The following MTUS2 variants were observed in gnomAD, a reference collection of about 807,000 sequenced individuals.
MTUS2 encodes the protein microtubule associated scaffold protein 2, also known as microtubule-associated tumor suppressor candidate 2.
In MTUS2, 40 loss-of-function variants were observed where a neutral mutation model predicts 114.1. The ratio of observed to expected loss-of-function variants is 0.35; its 90% CI spans 0.27 to 0.46. The LOEUF is 0.46. Among genes scored for constraint, MTUS2 ranks in the 20% least tolerant of loss-of-function variants. The pLI is 1.00. For synonymous variants in MTUS2, 688 were observed against 672.0 expected (o/e 1.02, Z -0.37); for missense variants, 1,679 against 1,705.4 (o/e 0.98, Z 0.27).
At position 29,477,144 on chromosome 13, in the gene MTUS2, T is replaced by C. The variant is rs569105851; in HGVS notation, c.3185-3006T>C. On this transcript the variant is annotated intron_variant, in intron 9 of 15. Coordinates refer to ENST00000612955, the MANE Select transcript of MTUS2 (RefSeq NM_001033602.4). Reference sequence around the variant, plus strand: ...AGTGAGCAGCAGGAGCCTGTGTTTTTGTCTGTAGGGTGACTTTGTGCTTTC... The same window carrying C: ...AGTGAGCAGCAGGAGCCTGTGTTTTCGTCTGTAGGGTGACTTTGTGCTTTC... Among the ~76,000 whole-genome samples the C allele has an allele frequency of 2.0e-5, 3 of 152,336 alleles. No individual in the cohort carries two copies. The East Asian group carries it at 5.8e-4, about 29-fold the overall frequency.
At chr13:29,484,484 C>T (rs1881445856) in intron 10 of MTUS2, among the ~76,000 whole-genome samples, 1 of 152,236 alleles carries the variant, frequency 6.6e-6, no homozygotes, top group South Asian at 2.1e-4. Flanking sequence ...TCAACACCTG[C>T]CTGTGTGGAG....
intron 4 of MTUS2, among the ~76,000 whole-genome samples, chr13:29,064,357 T>G (rs1888557897): frequency 1.4e-5 from 2 of 147,966 alleles, no homozygotes; most frequent in African/African-American, 2.5e-5. Context: ...GGCCAGATTG[T>G]GGGGGGATTT....
chr13:28,980,167 T>G (rs763351739), intron 2 of MTUS2, among the ~76,000 whole-genome samples: 28 of 152,256 alleles, frequency 1.8e-4, no homozygotes, highest in Admixed American at 6.5e-5. Flanking sequence ...AATGTATTGA[T>G]TTTGTGAATA....
intron 1 of MTUS2, among the ~76,000 whole-genome samples, chr13:28,825,397 G>T (rs1333894540): frequency 1.3e-5 from 2 of 152,156 alleles, no homozygotes; most frequent in Non-Finnish European, 2.9e-5. Context: ...GCTCTTTCTC[G>T]AGGAATGTCT....
chr13:28,976,009 T>C (rs1233610944), intron 2 of MTUS2, among the ~76,000 whole-genome samples: 1 of 151,794 alleles, frequency 6.6e-6, no homozygotes, highest in East Asian at 1.9e-4. Flanking sequence ...GACCACTTCC[T>C]GAGGGAGGTG....
At chr13:29,432,008 C>CTTTTTTTT (rs1318136819) in intron 8 of MTUS2, among the ~76,000 whole-genome samples, 1 of 119,142 alleles carries the variant, frequency 8.4e-6, no homozygotes. Flanking sequence ...CCACGCTCAG[C>CTTTTTTTT]TATTTTTTTT....
At chr13:29,324,137 T>G (rs1900375630) in intron 6 of MTUS2, among the ~76,000 whole-genome samples, 2 of 152,220 alleles carry the variant, frequency 1.3e-5, no homozygotes, top group African/African-American at 4.8e-5. Context: ...ACCCGCTGCA[T>G]GGAAATTAAT....
chr13:29,227,258 CAAAAAAA>C (rs10680419), intron 5 of MTUS2, among the ~76,000 whole-genome samples: 22 of 120,642 alleles, frequency 1.8e-4, no homozygotes, highest in African/African-American at 6.2e-4. Context: ...GACTCCGTCT[CAAAAAAA>C]AAAAAAAAAA....
At chr13:29,166,667 T>C (rs984123857) in intron 5 of MTUS2, among the ~76,000 whole-genome samples, 2 of 152,238 alleles carry the variant, frequency 1.3e-5, no homozygotes, top group Non-Finnish European at 2.9e-5. Context: ...TTATATGTAT[T>C]TACATTTAGA....
chr13:29,168,228 C>T (rs989506457), intron 5 of MTUS2, among the ~76,000 whole-genome samples: 2 of 152,196 alleles, frequency 1.3e-5, no homozygotes, highest in Admixed American at 1.3e-4. Context: ...CTTTTCAACA[C>T]GTTAGCCCTT....
intron 2 of MTUS2, among the ~76,000 whole-genome samples, chr13:28,939,139 A>G (rs759227295): frequency 6.6e-6 from 1 of 152,158 alleles, no homozygotes; most frequent in Admixed American, 6.5e-5. Context: ...CGCTTTTTAC[A>G]TTGAGCTTTC....
intron 7 of MTUS2, among the ~76,000 whole-genome samples, chr13:29,332,764 A>C (rs1360348396): frequency 2.7e-5 from 4 of 150,556 alleles, no homozygotes; most frequent in Admixed American, 2.6e-4. Context: ...CCTCCCGAGT[A>C]GCTGGGACTA....
In MTUS2 at chr13:28,877,339, CAG is replaced by C. The variant is rs1484327639; in HGVS notation, c.-243+37491_-243+37492del. ...TCTCAAAAAAAAAAAAAAAGAAAAACAGAACTTATTTAAGTAGCCCGTTGTTA... is the reference window on the plus strand; with the variant it reads ...TCTCAAAAAAAAAAAAAAAGAAAAACAACTTATTTAAGTAGCCCGTTGTTA... On this transcript the variant is annotated intron_variant, in intron 2 of 15. Coordinates refer to ENST00000612955, the MANE Select transcript of MTUS2 (RefSeq NM_001033602.4). 2.7e-5 allele frequency among the ~76,000 whole-genome samples: 4 copies of C among 148,152 alleles called. No homozygotes were observed. The East Asian group carries it at 7.9e-4, about 29-fold the overall frequency.
chr13:29,070,170 T>C (rs1472951392), intron 4 of MTUS2, among the ~76,000 whole-genome samples: 2 of 152,196 alleles, frequency 1.3e-5, no homozygotes, highest in African/African-American at 4.8e-5. Flanking sequence ...GCTTTTCCTG[T>C]TTCTCCTGGT....
At position 29,032,940 on chromosome 13, in the gene MTUS2, C is replaced by T. The variant is rs545328780; in HGVS notation, c.2206-945C>T. On this transcript the variant is annotated intron_variant, in intron 3 of 15. Coordinates refer to ENST00000612955, the MANE Select transcript of MTUS2 (RefSeq NM_001033602.4). ...AAAGGAATAGTTTATTTAGTTCTCT[C>T]TCTTTTTTTCCTGTTTAATATTAAT... 1.2e-4 allele frequency among the ~76,000 whole-genome samples: 18 copies of T among 152,254 alleles called. No individual in the cohort carries two copies. The South Asian group carries it at 3.7e-3, about 32-fold the overall frequency.
intron 5 of MTUS2, among the ~76,000 whole-genome samples, chr13:29,197,320 G>A (rs1894744733): frequency 6.6e-6 from 1 of 152,050 alleles, no homozygotes; most frequent in Non-Finnish European, 1.5e-5. Flanking sequence ...AACATGCGGT[G>A]GTTGGTTTTC....
intron 4 of MTUS2, among the ~76,000 whole-genome samples, chr13:29,050,267 G>C (rs1300314534): frequency 6.6e-6 from 1 of 152,004 alleles, no homozygotes; most frequent in Non-Finnish European, 1.5e-5. Flanking sequence ...AGTTTTACCT[G>C]TTATGGTCAA....
intron 4 of MTUS2, among the ~76,000 whole-genome samples, chr13:29,051,252 G>A (rs1887883165): frequency 6.6e-6 from 1 of 152,146 alleles, no homozygotes. Context: ...TCTGAGCACG[G>A]GTGATGGGGA....
At chr13:29,199,921 G>A (rs1248232272) in intron 5 of MTUS2, among the ~76,000 whole-genome samples, 1 of 152,134 alleles carries the variant, frequency 6.6e-6, no homozygotes, top group Non-Finnish European at 1.5e-5. Flanking sequence ...TTAGTCTTGG[G>A]AGGGGTGTTT....
Sources: gnomAD v4.1 joint callset for allele counts (sites outside exome capture counted in the v4.1 genomes callset) on GRCh38, gnomAD v4.1.1 for gene constraint, MANE v1.5 for transcripts, NCBI Gene and HGNC (gene_info 2026-07-23, HGNC 2026-07-21) for gene names.